Variants in PDE1A observed in about 807,000 individuals in gnomAD.
PDE1A encodes the protein phosphodiesterase 1A.
A neutral mutation model predicts 61.7 loss-of-function variants in PDE1A; 35 were observed. The observed-to-expected ratio is 0.57, with a 90% confidence interval of 0.43 to 0.75. The LOEUF is 0.75. PDE1A is among the 30% of genes least tolerant of loss of function. PDE1A has a pLI of 0.00. For missense variants in PDE1A, 597 were observed against 630.6 expected, an observed-to-expected ratio of 0.95 and a Z score of 0.57; for synonymous variants, 232 against 213.2, an observed-to-expected ratio of 1.09 and a Z score of -0.77.
chr2:182,206,838 TTTC>T (rs1687146819), intron 7 of PDE1A, among the ~76,000 whole-genome samples: 1 of 152,156 alleles, frequency 6.6e-6, no homozygotes, highest in Admixed American at 6.5e-5. Flanking sequence ...CCTGTAGCAC[TTTC>T]TTCTTCGCAC....
At chr2:182,252,569 C>T (rs552681810) in intron 2 of PDE1A, among the ~76,000 whole-genome samples, 10 of 152,244 alleles carry the variant, frequency 6.6e-5, no homozygotes, top group Admixed American at 2.6e-4. Flanking sequence ...CCCAGATTAA[C>T]GAAGAGTAGT....
At chr2:182,632,684 T>C in the PDE1A span, among the ~76,000 whole-genome samples, 2 of 152,158 alleles carry the variant, frequency 1.3e-5, no homozygotes, top group Non-Finnish European at 2.9e-5. Flanking sequence ...TCTCTATAAA[T>C]GAAAGCAAAT....
chr2:182,439,661 G>A (rs1344623047), intron 2 of PDE1A, among the ~76,000 whole-genome samples: 1 of 151,964 alleles, frequency 6.6e-6, no homozygotes, highest in Non-Finnish European at 1.5e-5. Context: ...TTTCTGTGCT[G>A]GAACAATCCC....
intron 1 of PDE1A, among the ~76,000 whole-genome samples, chr2:182,266,135 T>G (rs1197069315): frequency 6.6e-6 from 1 of 152,160 alleles, no homozygotes; most frequent in African/African-American, 2.4e-5. Context: ...GCCATTTACT[T>G]TTGTATGATA....
At chr2:182,663,397 A>C in the PDE1A span, among the ~76,000 whole-genome samples, 1 of 152,242 alleles carries the variant, frequency 6.6e-6, no homozygotes, top group Non-Finnish European at 1.5e-5. Context: ...AGCACTATTA[A>C]TAATAGCAAA....
intron 13 of PDE1A, among the ~76,000 whole-genome samples, chr2:182,174,063 C>A (rs1377464774): frequency 6.6e-6 from 1 of 151,946 alleles, no homozygotes; most frequent in Non-Finnish European, 1.5e-5. Flanking sequence ...TTACAGAGAC[C>A]CGTGAGATAA....
the PDE1A span, among the ~76,000 whole-genome samples, chr2:182,624,801 G>A: frequency 6.6e-6 from 1 of 152,172 alleles, no homozygotes; most frequent in South Asian, 2.1e-4. Flanking sequence ...ACCAAGAACA[G>A]TTCCATGCCC....
chr2:182,220,657 C>T (rs570698550), intron 7 of PDE1A, among the ~76,000 whole-genome samples: 1 of 152,160 alleles, frequency 6.6e-6, no homozygotes, highest in South Asian at 2.1e-4. Flanking sequence ...CATTTATTTA[C>T]ACTTTCAAGG....
chr2:182,586,144 T>G, the PDE1A span, among the ~76,000 whole-genome samples: 2 of 152,192 alleles, frequency 1.3e-5, no homozygotes, highest in African/African-American at 4.8e-5. Flanking sequence ...TTTTCAGTAT[T>G]CATCCCGAGT....
chr2:182,564,699 G>A, the PDE1A span, among the ~76,000 whole-genome samples: 3 of 152,142 alleles, frequency 2.0e-5, no homozygotes, highest in African/African-American at 7.2e-5. Context: ...CCAATCAGAC[G>A]TAGATTTGGT....
At chr2:182,166,740 T>G (rs1224881098), downstream of PDE1A, among the ~76,000 whole-genome samples, 3 of 152,200 alleles carry the variant, frequency 2.0e-5, no homozygotes, top group Non-Finnish European at 4.4e-5. Flanking sequence ...CTGATGATAT[T>G]TTATAGCCAA....
At chr2:182,277,632 C>T (rs1481543299) in intron 1 of PDE1A, among the ~76,000 whole-genome samples, 1 of 151,982 alleles carries the variant, frequency 6.6e-6, no homozygotes, top group Non-Finnish European at 1.5e-5. Context: ...ATGTACTAAA[C>T]AACAACAAAA....
upstream of PDE1A, among the ~76,000 whole-genome samples, chr2:182,524,647 C>G (rs1304939922): frequency 6.6e-6 from 1 of 151,816 alleles, no homozygotes; most frequent in Non-Finnish European, 1.5e-5. Flanking sequence ...TATTTAAATC[C>G]TTGACCAAGA....
chr2:182,611,434 C>T, the PDE1A span, among the ~76,000 whole-genome samples: 1 of 152,176 alleles, frequency 6.6e-6, no homozygotes. Flanking sequence ...TCCCAAGGCA[C>T]AGTATTTCCT....
chr2:182,533,486 G>T, the PDE1A span, among the ~76,000 whole-genome samples: 1 of 152,184 alleles, frequency 6.6e-6, no homozygotes, highest in Non-Finnish European at 1.5e-5. Flanking sequence ...GGAGAAAAAT[G>T]AGGATGAGAA....
intron 1 of PDE1A, among the ~76,000 whole-genome samples, chr2:182,389,454 C>T (rs1701297309): frequency 6.6e-6 from 1 of 152,052 alleles, no homozygotes; most frequent in Non-Finnish European, 1.5e-5. Context: ...CATGAATATA[C>T]ATTTCTCAAA....
chr2:182,607,967 T>C, the PDE1A span, among the ~76,000 whole-genome samples: 2 of 152,196 alleles, frequency 1.3e-5, no homozygotes, highest in African/African-American at 4.8e-5. Context: ...CAGGCCTTTA[T>C]ACCTCCACCT....
chr2:182,592,627 T>C, the PDE1A span, among the ~76,000 whole-genome samples: 2 of 152,038 alleles, frequency 1.3e-5, no homozygotes, highest in Non-Finnish European at 2.9e-5. Flanking sequence ...GTTTTCTGCA[T>C]ACAAAATACA....
Position 182,179,508 on chromosome 2 carries a change from A to T in PDE1A, c.1516+6384T>A, listed in dbSNP as rs184325552. 2.3e-3 allele frequency among the ~76,000 whole-genome samples: 348 copies of T among 152,344 alleles called. 1 individual carries two copies. Among genetic ancestry groups the T allele is most frequent in the Non-Finnish European group, 2.7e-3 (186 of 68,036 alleles). On this transcript the variant is annotated intron_variant, in intron 13 of 13. Transcript: ENST00000351439. Reference sequence around the variant, plus strand: ...AAAAAGAATGATTATCACAAAATTCAAAACAATAATTAGCTCATGGGTGGG... The same window carrying T: ...AAAAAGAATGATTATCACAAAATTCTAAACAATAATTAGCTCATGGGTGGG...
Sources: allele counts gnomAD v4.1 joint callset (sites outside exome capture counted in the v4.1 genomes callset), GRCh38; gene constraint gnomAD v4.1.1; transcripts MANE v1.5; gene names NCBI Gene and HGNC (gene_info 2026-07-23, HGNC 2026-07-21).